The following IL17B variants were observed in gnomAD, a reference collection of about 807,000 sequenced individuals.
The protein encoded by IL17B is interleukin-17B.
Under a neutral mutation model 14.7 loss-of-function variants are expected in IL17B, and 14 were observed. The ratio of observed to expected loss-of-function variants is 0.95; its 90% CI spans 0.63 to 1.49. The LOEUF is 1.49. Among genes scored for constraint, IL17B ranks in the 40% most tolerant of loss-of-function variants. The pLI, the probability that IL17B is intolerant of heterozygous loss-of-function variation, is 0.00. For synonymous variants in IL17B, 105 were observed against 94.8 expected, an observed-to-expected ratio of 1.11 and a Z score of -0.62; for missense variants, 233 against 252.8, an observed-to-expected ratio of 0.92 and a Z score of 0.53.
At chr5:149,389,588 T>C (rs1409245925) in intron 1 of IL17B, among the ~76,000 whole-genome samples, 1 of 152,238 alleles carries the variant, frequency 6.6e-6, no homozygotes, top group East Asian at 1.9e-4. Context: ...TTCCATGTAC[T>C]ACATAAGGGG....
intron 1 of IL17B, among the ~76,000 whole-genome samples, chr5:149,401,105 C>T (rs1372430645): frequency 6.6e-6 from 1 of 152,238 alleles, no homozygotes; most frequent in Non-Finnish European, 1.5e-5. Flanking sequence ...CATCACATCA[C>T]TTCTGATGGC....
At chr5:149,386,978 T>A (rs1232631591) in intron 1 of IL17B, among the ~76,000 whole-genome samples, 1 of 152,206 alleles carries the variant, frequency 6.6e-6, no homozygotes, top group Non-Finnish European at 1.5e-5. Context: ...AGTGCTGGGA[T>A]TACAGACATG....
intron 1 of IL17B, among the ~76,000 whole-genome samples, chr5:149,396,115 T>C (rs565894382): frequency 2.0e-5 from 3 of 152,362 alleles, no homozygotes; most frequent in African/African-American, 7.2e-5. Flanking sequence ...GCATTGCTAA[T>C]ACCTTGAAAT....
intron 1 of IL17B, among the ~76,000 whole-genome samples, chr5:149,393,329 T>C (rs986662464): frequency 1.3e-5 from 2 of 152,162 alleles, no homozygotes; most frequent in Non-Finnish European, 2.9e-5. Flanking sequence ...GAGCTTTCAG[T>C]GTGCCCTATG....
rs1292438881 is a variant in IL17B at position 149,403,088 on chromosome 5, G to GTTTTA, written n.95+1019_95+1020insTAAAA. ...GTTCTGTTTTGTTTTGTTTTGTTTT[G>GTTTTA]TTTTGTTTTGTTTTGAGACAAGGTC... On this transcript the variant is annotated intron_variant and non_coding_transcript_variant, in intron 1 of 2. Coordinates refer to the IL17B transcript ENST00000505432. Among the ~76,000 whole-genome samples the GTTTTA allele has an allele frequency of 4.8e-3, 708 of 148,506 alleles. 11 individuals carry two copies. Among genetic ancestry groups the GTTTTA allele is most frequent in the African/African-American group, 0.017 (677 of 40,142 alleles).
At chr5:149,384,326 T>C (rs1385661660) in intron 1 of IL17B, among the ~76,000 whole-genome samples, 10 of 152,230 alleles carry the variant, frequency 6.6e-5, no homozygotes, top group Admixed American at 3.3e-4. Context: ...GTTGTTAAAA[T>C]GCATTAATCA....
intron 1 of IL17B, among the ~76,000 whole-genome samples, chr5:149,387,821 T>C (rs963678396): frequency 2.0e-5 from 3 of 147,624 alleles, no homozygotes; most frequent in Non-Finnish European, 3.0e-5. Flanking sequence ...CACTTTTACA[T>C]CCATGACTTT....
At chr5:149,376,382 C>T (rs1335718876) in intron 2 of IL17B, among the ~76,000 whole-genome samples, 3 of 152,192 alleles carry the variant, frequency 2.0e-5, no homozygotes, top group African/African-American at 4.8e-5. Flanking sequence ...CGCATGGAAG[C>T]GCCACACCTG....
At chr5:149,379,982 G>A (rs762456889), upstream of IL17B, among the ~76,000 whole-genome samples, 3 of 152,134 alleles carry the variant, frequency 2.0e-5, no homozygotes, top group Non-Finnish European at 2.9e-5. Context: ...GAAGCTGTAC[G>A]CCCTCACTCT....
At chr5:149,403,017 A>AG (rs1174870327) in intron 1 of IL17B, among the ~76,000 whole-genome samples, 1 of 151,724 alleles carries the variant, frequency 6.6e-6, no homozygotes, top group East Asian at 1.9e-4. Context: ...AAAAAAAAAA[A>AG]AAAAAAAACT....
At chr5:149,396,086 G>A (rs1210560906) in intron 1 of IL17B, among the ~76,000 whole-genome samples, 1 of 152,110 alleles carries the variant, frequency 6.6e-6, no homozygotes, top group Non-Finnish European at 1.5e-5. Flanking sequence ...GCAGTGGGCT[G>A]AATGAAAAAA....
intron 1 of IL17B, among the ~76,000 whole-genome samples, chr5:149,386,983 G>A (rs1202774988): frequency 6.6e-6 from 1 of 152,230 alleles, no homozygotes; most frequent in Non-Finnish European, 1.5e-5. Context: ...TGGGATTACA[G>A]ACATGAGCCA....
chr5:149,381,307 T>TG (rs1294356396), upstream of IL17B, among the ~76,000 whole-genome samples: 2 of 152,256 alleles, frequency 1.3e-5, no homozygotes, highest in African/African-American at 4.8e-5. Context: ...GCCCCAGAGA[T>TG]GCTGAAGTAG....
chr5:149,393,096 C>T (rs1299285974), intron 1 of IL17B, among the ~76,000 whole-genome samples: 1 of 152,150 alleles, frequency 6.6e-6, no homozygotes, highest in East Asian at 1.9e-4. Context: ...TTTCCTTCCT[C>T]AGCAGCAAGT....
At chr5:149,378,816 G>A (rs191433463) in intron 1 of IL17B, among the ~76,000 whole-genome samples, 16 of 152,330 alleles carry the variant, frequency 1.1e-4, no homozygotes, top group South Asian at 4.1e-4. Context: ...TCGGAGAAAC[G>A]TAGAATAGAA....
upstream of IL17B, among the ~76,000 whole-genome samples, chr5:149,380,986 G>A (rs566098710): frequency 1.7e-3 from 253 of 152,336 alleles, no homozygotes; most frequent in African/African-American, 5.7e-3. Context: ...CGCCCCCACC[G>A]CAGGCTGTCC....
chr5:149,379,331 T>C (rs970364056), upstream of IL17B: 74 of 1,292,826 alleles, frequency 5.7e-5, no homozygotes, highest in Middle Eastern at 2.0e-4. Context: ...ATAGCTCAAC[T>C]GGGGGCTGCT....
chr5:149,381,198 A>C (rs1055472911), upstream of IL17B, among the ~76,000 whole-genome samples: 1 of 152,224 alleles, frequency 6.6e-6, no homozygotes, highest in African/African-American at 2.4e-5. Context: ...ACCTGCTGGA[A>C]ATACGCACCC....
upstream of IL17B, among the ~76,000 whole-genome samples, chr5:149,380,297 A>C (rs1758657032): frequency 6.6e-6 from 1 of 152,236 alleles, no homozygotes; most frequent in African/African-American, 2.4e-5. Context: ...AATAGCTGGC[A>C]ACAGTACCTG....
Sources: gnomAD v4.1 joint callset for allele counts (sites outside exome capture counted in the v4.1 genomes callset) on GRCh38, gnomAD v4.1.1 for gene constraint, MANE v1.5 for transcripts, NCBI Gene and HGNC (gene_info 2026-07-23, HGNC 2026-07-21) for gene names.